Variants in SDCCAG8 observed in about 807,000 individuals in gnomAD.
SDCCAG8 encodes the protein serologically defined colon cancer antigen 8.
Under a neutral mutation model 101.8 loss-of-function variants are expected in SDCCAG8, and 74 were observed. That is an observed-to-expected ratio of 0.73 (90% CI 0.60 to 0.88). The LOEUF is 0.88. Among genes scored for constraint, SDCCAG8 ranks in the 40% least tolerant of loss-of-function variants. The pLI is 0.00. For missense variants in SDCCAG8, 787 were observed against 822.6 expected (o/e 0.96, Z 0.53); for synonymous variants, 281 against 292.9 (o/e 0.96, Z 0.41).
intron 16 of SDCCAG8, among the ~76,000 whole-genome samples, chr1:243,443,042 CAA>C (rs2082649993): frequency 6.6e-6 from 1 of 152,134 alleles, no homozygotes; most frequent in Non-Finnish European, 1.5e-5. Flanking sequence ...TATTTTGATG[CAA>C]AGAGATGTTT....
At chr1:243,498,912 G>C (rs1668767588) in intron 17 of SDCCAG8, among the ~76,000 whole-genome samples, 1 of 152,218 alleles carries the variant, frequency 6.6e-6, no homozygotes, top group South Asian at 2.1e-4. Flanking sequence ...ACCGGGATTT[G>C]GAAAATACCA....
chr1:243,348,989 A>T (rs2075920418), intron 12 of SDCCAG8, among the ~76,000 whole-genome samples: 1 of 151,554 alleles, frequency 6.6e-6, no homozygotes, highest in African/African-American at 2.4e-5. Flanking sequence ...CCTGTCTTGG[A>T]TAAAAACAAA....
chr1:243,284,609 G>A (rs1372492313), intron 4 of SDCCAG8, among the ~76,000 whole-genome samples: 1 of 152,166 alleles, frequency 6.6e-6, no homozygotes, highest in East Asian at 1.9e-4. Context: ...CTCCCACACG[G>A]AATGCAAGAG....
intron 17 of SDCCAG8, among the ~76,000 whole-genome samples, chr1:243,492,194 A>C (rs1359325566): frequency 6.8e-6 from 1 of 146,184 alleles, no homozygotes; most frequent in Non-Finnish European, 1.5e-5. Context: ...TGCCACATGG[A>C]TGCTTTTGGC....
intron 6 of SDCCAG8, among the ~76,000 whole-genome samples, chr1:243,294,698 C>CG (rs1042997185): frequency 3.0e-4 from 14 of 46,008 alleles, no homozygotes; most frequent in Non-Finnish European, 3.8e-4. Context: ...TTCTAAATTC[C>CG]CCCCCCCCCC....
intron 13 of SDCCAG8, among the ~76,000 whole-genome samples, chr1:243,383,940 A>C (rs895081600): frequency 6.6e-6 from 1 of 152,012 alleles, no homozygotes; most frequent in Non-Finnish European, 1.5e-5. Flanking sequence ...CTCTAGCTCT[A>C]TTATAATCTT....
intron 11 of SDCCAG8, among the ~76,000 whole-genome samples, chr1:243,342,183 A>G (rs1157510889): frequency 6.6e-6 from 1 of 152,212 alleles, no homozygotes; most frequent in Non-Finnish European, 1.5e-5. Flanking sequence ...GGATGGGAAT[A>G]CTTAACCTAG....
In SDCCAG8 at chr1:243,474,827, T is replaced by C. The variant is rs1191689924; in HGVS notation, c.1986-14187T>C. 1.3e-5 allele frequency among the ~76,000 whole-genome samples: 2 copies of C among 152,358 alleles called. No homozygotes were observed. Among genetic ancestry groups the C allele is most frequent in the Non-Finnish European group, 2.9e-5 (2 of 68,028 alleles). On this transcript the variant is annotated intron_variant, in intron 16 of 17. Transcript: ENST00000366541. The surrounding 1 kb of genome is among the most constrained non-coding windows in gnomAD (Gnocchi z 4.7). ...CGTCCTGAACGTGCACAGCCGCTCC[T>C]AACTCCGTCAACGGAATTTCACTCA...
intron 16 of SDCCAG8, among the ~76,000 whole-genome samples, chr1:243,467,530 T>G (rs936428235): frequency 5.9e-5 from 9 of 152,248 alleles, no homozygotes; most frequent in African/African-American, 2.2e-4. Flanking sequence ...TAAGCACATA[T>G]GTGCACCGCA....
intron 6 of SDCCAG8, among the ~76,000 whole-genome samples, chr1:243,302,632 A>G (rs2071634835): frequency 6.6e-6 from 1 of 152,230 alleles, no homozygotes; most frequent in Admixed American, 6.5e-5. Context: ...GTACCTTGCC[A>G]GTAAGAGACT....
At chr1:243,468,985 C>A (rs1660699879) in intron 16 of SDCCAG8, among the ~76,000 whole-genome samples, 1 of 152,162 alleles carries the variant, frequency 6.6e-6, no homozygotes, top group African/African-American at 2.4e-5. Context: ...TTTATATACT[C>A]TCCAATTCTC....
At chr1:243,290,979 C>G (rs1425960889) in intron 5 of SDCCAG8, among the ~76,000 whole-genome samples, 3 of 152,208 alleles carry the variant, frequency 2.0e-5, no homozygotes, top group Non-Finnish European at 4.4e-5. Flanking sequence ...GCTCTTAGCA[C>G]AGTGTCTGAA....
At chr1:243,318,212 A>C (rs996847344) in intron 9 of SDCCAG8, among the ~76,000 whole-genome samples, 1 of 152,240 alleles carries the variant, frequency 6.6e-6, no homozygotes, top group Admixed American at 6.5e-5. Context: ...AGGAACATGC[A>C]TGGAGCCGGA....
chr1:243,396,695 G>T (rs765830880), intron 13 of SDCCAG8, among the ~76,000 whole-genome samples: 1 of 152,066 alleles, frequency 6.6e-6, no homozygotes, highest in African/African-American at 2.4e-5. Context: ...TAGACATATA[G>T]TTCATACTCA....
At position 243,270,856 on chromosome 1, in the gene SDCCAG8, T is replaced by G. The variant is rs971660906; in HGVS notation, c.221-122T>G. 10 of 743,254 alleles carry G rather than the reference T, an allele frequency of 1.3e-5. No homozygotes were observed. The African/African-American group carries it at 1.7e-4, about 13-fold the overall frequency. 46.0% of individuals were successfully genotyped at this position (743,254 alleles called of 1,614,324 possible). A position where few individuals can be genotyped will look rare whatever the true frequency, so the allele number is the denominator to read the frequency against. On this transcript the variant is annotated intron_variant, in intron 2 of 17. Coordinates refer to ENST00000366541, the MANE Select transcript of SDCCAG8 (RefSeq NM_006642.5). ...TTTTATGTTGGTCTTGTATCCCCAGTTGATAGCAGAATTCTTGATGCATAA... is the reference window on the plus strand; with the variant it reads ...TTTTATGTTGGTCTTGTATCCCCAGGTGATAGCAGAATTCTTGATGCATAA...
chr1:243,429,695 ATTTTTTT>A (rs796450909), intron 16 of SDCCAG8, among the ~76,000 whole-genome samples: 23 of 92,928 alleles, frequency 2.5e-4, no homozygotes, highest in South Asian at 1.2e-3. Flanking sequence ...TGCTCTGCTA[ATTTTTTT>A]TTTTTTTTTT....
chr1:243,493,671 C>T (rs1320829551), intron 17 of SDCCAG8, among the ~76,000 whole-genome samples: 1 of 151,928 alleles, frequency 6.6e-6, no homozygotes, highest in East Asian at 1.9e-4. Flanking sequence ...AATCAGTTGG[C>T]CCTATGACTT....
intron 1 of SDCCAG8, among the ~76,000 whole-genome samples, chr1:243,256,703 C>T (rs2066733736): frequency 6.6e-6 from 1 of 152,226 alleles, no homozygotes. Context: ...AGGCTATTTA[C>T]ATACAGTAAA....
chr1:243,473,243 A>T (rs1030729091), intron 16 of SDCCAG8, among the ~76,000 whole-genome samples: 1 of 152,224 alleles, frequency 6.6e-6, no homozygotes, highest in Non-Finnish European at 1.5e-5. Flanking sequence ...TTAAACTGCA[A>T]CATATTTCCT....
Sources: allele counts gnomAD v4.1 joint callset (sites outside exome capture counted in the v4.1 genomes callset), GRCh38; gene constraint gnomAD v4.1.1; non-coding constraint Gnocchi (gnomAD v3.1); transcripts MANE v1.5; gene names NCBI Gene and HGNC (gene_info 2026-07-23, HGNC 2026-07-21).